IGSF21: variants seen among roughly 807,000 people sequenced by gnomAD.
IGSF21 encodes immunoglobulin superfamily member 21.
In IGSF21, 28 loss-of-function variants were observed where a neutral mutation model predicts 46.8. The ratio of observed to expected loss-of-function variants is 0.60; its 90% CI spans 0.44 to 0.82. IGSF21 has a LOEUF of 0.82. Ranked by LOEUF, IGSF21 falls within the 40% of genes least tolerant of loss-of-function variation. The pLI is 0.00. For missense variants in IGSF21, 624 were observed against 665.5 expected (o/e 0.94, Z 0.69); for synonymous variants, 284 against 273.6 (o/e 1.04, Z -0.38).
chr1:18,358,491 C>T lies in IGSF21; in HGVS notation c.425-3624C>T, dbSNP rs76339721. 2.4e-4 allele frequency among the ~76,000 whole-genome samples: 37 copies of T among 152,300 alleles called. 1 individual carries two copies. The East Asian group carries it at 6.9e-3, about 29-fold the overall frequency. The stretch of plus-strand genomic sequence containing the variant: ...GAACAAACCACATTTCAGGTGCTCC[C>T]CAGCCACATGGGGTGAGTGGCTGCT... On this transcript the variant is annotated intron_variant, in intron 4 of 9. Transcript: ENST00000251296.
At chr1:18,342,220 A>G (rs2085850377) in intron 4 of IGSF21, among the ~76,000 whole-genome samples, 1 of 151,862 alleles carries the variant, frequency 6.6e-6, no homozygotes, top group South Asian at 2.1e-4. Flanking sequence ...CAGCCTCCCA[A>G]GTAACTGGGG....
chr1:18,241,074 G>A (rs187845001), intron 2 of IGSF21, among the ~76,000 whole-genome samples: 1 of 152,142 alleles, frequency 6.6e-6, no homozygotes, highest in Non-Finnish European at 1.5e-5. Context: ...CAGAGAAAGT[G>A]CCCCACCCTT....
At chr1:18,148,378 C>T (rs1052712053) in intron 1 of IGSF21, among the ~76,000 whole-genome samples, 14 of 152,184 alleles carry the variant, frequency 9.2e-5, no homozygotes, top group African/African-American at 2.2e-4. Flanking sequence ...ATGATCCGCC[C>T]GCCTCGGCCT....
intron 1 of IGSF21, among the ~76,000 whole-genome samples, chr1:18,129,550 G>T (rs1372027310): frequency 6.6e-6 from 1 of 152,188 alleles, no homozygotes; most frequent in Admixed American, 6.5e-5. Context: ...CCACCCACGG[G>T]CAAGACTCAG....
At chr1:18,319,601 T>G (rs564620297) in intron 3 of IGSF21, among the ~76,000 whole-genome samples, 94 of 152,344 alleles carry the variant, frequency 6.2e-4, no homozygotes, top group Middle Eastern at 3.4e-3. Context: ...ATTAAGTTGT[T>G]CCAAGGAATT....
chr1:18,332,979 G>T (rs750092456), intron 3 of IGSF21, among the ~76,000 whole-genome samples: 4 of 152,178 alleles, frequency 2.6e-5, no homozygotes, highest in Non-Finnish European at 4.4e-5. Flanking sequence ...AGAAAAGAGC[G>T]AAGCTGAGGT....
intron 1 of IGSF21, among the ~76,000 whole-genome samples, chr1:18,176,471 T>C (rs1334879260): frequency 1.3e-5 from 2 of 152,208 alleles, no homozygotes; most frequent in African/African-American, 4.8e-5. Flanking sequence ...GGGTCCCATC[T>C]GCAAAAGGAG....
chr1:18,343,682 C>T (rs779141291), intron 4 of IGSF21, among the ~76,000 whole-genome samples: 15 of 152,220 alleles, frequency 9.9e-5, no homozygotes, highest in East Asian at 5.8e-4. Flanking sequence ...TGTCCCAGCA[C>T]CATTTGTCGA....
intron 3 of IGSF21, among the ~76,000 whole-genome samples, chr1:18,317,999 G>A (rs2085559977): frequency 6.6e-6 from 1 of 152,186 alleles, no homozygotes; most frequent in African/African-American, 2.4e-5. Context: ...CACTGTCTTT[G>A]TCATCCACGC....
At chr1:18,347,827 C>T (rs914504059) in intron 4 of IGSF21, among the ~76,000 whole-genome samples, 4 of 152,158 alleles carry the variant, frequency 2.6e-5, no homozygotes, top group African/African-American at 7.2e-5. Flanking sequence ...TGGAAACAGA[C>T]CACTTGCTCT....
chr1:18,211,191 C>T lies in IGSF21; in HGVS notation c.71-16707C>T, dbSNP rs114897596. On this transcript the variant is annotated intron_variant, in intron 1 of 9. Coordinates refer to ENST00000251296, the MANE Select transcript of IGSF21 (RefSeq NM_032880.5). Reference sequence around the variant, plus strand: ...CTGGCCTTCCCTGGACCATTTCTAACGGCTGCTAGAGTGGAGATGTGAAAT... The same window carrying T: ...CTGGCCTTCCCTGGACCATTTCTAATGGCTGCTAGAGTGGAGATGTGAAAT... Among the ~76,000 whole-genome samples the T allele has an allele frequency of 3.9e-3, 587 of 152,296 alleles. 4 individuals carry two copies. Among genetic ancestry groups the T allele is most frequent in the African/African-American group, 0.013 (550 of 41,552 alleles).
At chr1:18,242,655 A>C (rs2084743497) in intron 2 of IGSF21, among the ~76,000 whole-genome samples, 1 of 152,220 alleles carries the variant, frequency 6.6e-6, no homozygotes, top group African/African-American at 2.4e-5. Context: ...ACGTGCTTTC[A>C]ACGTTCCCCT....
chr1:18,177,393 G>GTA (rs1491121331), intron 1 of IGSF21, among the ~76,000 whole-genome samples: 395 of 15,408 alleles, frequency 0.026, 4 homozygotes, highest in Non-Finnish European at 0.042. Context: ...GGTCAGTGAG[G>GTA]TGTGTGTGTG....
At chr1:18,127,116 G>A (rs1302482920) in intron 1 of IGSF21, among the ~76,000 whole-genome samples, 1 of 152,194 alleles carries the variant, frequency 6.6e-6, no homozygotes, top group Non-Finnish European at 1.5e-5. Context: ...CTGGCTAGAT[G>A]GGTCATCTTG....
At chr1:18,162,164 ACCT>A (rs1267055394) in intron 1 of IGSF21, among the ~76,000 whole-genome samples, 1 of 151,174 alleles carries the variant, frequency 6.6e-6, no homozygotes, top group Non-Finnish European at 1.5e-5. Context: ...TCTCACCTCA[ACCT>A]CCTGAGTAGC....
At chr1:18,173,435 G>C (rs974821404) in intron 1 of IGSF21, among the ~76,000 whole-genome samples, 2 of 152,196 alleles carry the variant, frequency 1.3e-5, no homozygotes, top group African/African-American at 4.8e-5. Flanking sequence ...TATAGAATAA[G>C]CCAGTCACTC....
intron 1 of IGSF21, among the ~76,000 whole-genome samples, chr1:18,222,091 C>T (rs894588887): frequency 6.6e-6 from 1 of 152,216 alleles, no homozygotes; most frequent in East Asian, 1.9e-4. Flanking sequence ...CACCGCTGTG[C>T]TCCTGGCTTC....
At chr1:18,344,118 G>A (rs2085869916) in intron 4 of IGSF21, among the ~76,000 whole-genome samples, 1 of 152,172 alleles carries the variant, frequency 6.6e-6, no homozygotes, top group East Asian at 1.9e-4. Context: ...TGGAATCCCA[G>A]CCTGGCACTC....
At chr1:18,282,009 C>T (rs1002365436) in intron 2 of IGSF21, among the ~76,000 whole-genome samples, 3 of 152,180 alleles carry the variant, frequency 2.0e-5, no homozygotes, top group Non-Finnish European at 2.9e-5. Context: ...CATGCCCCTC[C>T]CCTCTTTGGG....
Sources: gnomAD v4.1 joint callset for allele counts (sites outside exome capture counted in the v4.1 genomes callset) on GRCh38, gnomAD v4.1.1 for gene constraint, MANE v1.5 for transcripts, NCBI Gene and HGNC (gene_info 2026-07-23, HGNC 2026-07-21) for gene names.